Variants in SFMBT1 observed in about 807,000 individuals in gnomAD.
The protein encoded by SFMBT1 is scm-like with four MBT domains protein 1.
In SFMBT1, 32 loss-of-function variants were observed where a neutral mutation model predicts 108.7. That is an observed-to-expected ratio of 0.29 (90% CI 0.22 to 0.40). The LOEUF (loss-of-function observed/expected upper bound fraction) is 0.40, where lower values mean the gene tolerates loss of function less well. Among genes scored for constraint, SFMBT1 ranks in the 10% least tolerant of loss-of-function variants. The pLI is 1.00. For missense variants in SFMBT1, 816 were observed against 1,059.6 expected (o/e 0.77, Z 3.19); for synonymous variants, 348 against 369.5 (o/e 0.94, Z 0.67).
At chr3:52,965,668 T>G (rs1207351094) in intron 2 of SFMBT1, among the ~76,000 whole-genome samples, 1 of 151,880 alleles carries the variant, frequency 6.6e-6, no homozygotes, top group Admixed American at 6.6e-5. Context: ...TATTCTCAAA[T>G]GAAATGAAAT....
chr3:53,041,929 T>C (rs913694114), intron 1 of SFMBT1, among the ~76,000 whole-genome samples: 2 of 152,098 alleles, frequency 1.3e-5, no homozygotes, highest in Non-Finnish European at 2.9e-5. Flanking sequence ...TGCTATATAC[T>C]AAAAGAAAAA....
chr3:53,044,995 GCA>G (rs1164483436), intron 1 of SFMBT1: 1 of 152,312 alleles, frequency 6.6e-6, no homozygotes, highest in African/African-American at 2.4e-5. Flanking sequence ...TTTCTGCTCC[GCA>G]CAGAGCAGGC....
chr3:53,016,029 G>A (rs1699113184), intron 1 of SFMBT1, among the ~76,000 whole-genome samples: 1 of 151,978 alleles, frequency 6.6e-6, no homozygotes, highest in Non-Finnish European at 1.5e-5. Flanking sequence ...ATCAAGAACA[G>A]TATACTATGG....
chr3:53,004,367 G>A (rs1698668566), intron 1 of SFMBT1, among the ~76,000 whole-genome samples: 1 of 149,056 alleles, frequency 6.7e-6, no homozygotes, highest in South Asian at 2.1e-4. Context: ...CTACCTCCTG[G>A]GTTCAAGCGA....
At chr3:52,997,911 C>T (rs547190274) in intron 1 of SFMBT1, among the ~76,000 whole-genome samples, 12 of 150,698 alleles carry the variant, frequency 8.0e-5, no homozygotes, top group African/African-American at 1.7e-4. Flanking sequence ...GATAACACAA[C>T]GTGTTGGTCA....
chr3:52,970,007 G>C (rs1704282311), intron 1 of SFMBT1, among the ~76,000 whole-genome samples: 1 of 152,018 alleles, frequency 6.6e-6, no homozygotes, highest in African/African-American at 2.4e-5. Flanking sequence ...GGAGGCTGAG[G>C]TGGGAGGATG....
At chr3:52,964,781 C>G (rs1444022014) in intron 2 of SFMBT1, among the ~76,000 whole-genome samples, 1 of 152,138 alleles carries the variant, frequency 6.6e-6, no homozygotes, top group South Asian at 2.1e-4. Flanking sequence ...GACGTCACAT[C>G]AGAAGAACAC....
chr3:52,968,399 C>T (rs544175494), intron 2 of SFMBT1, among the ~76,000 whole-genome samples: 73 of 152,060 alleles, frequency 4.8e-4, no homozygotes, highest in Non-Finnish European at 8.5e-4. Context: ...ATTGCACATT[C>T]TTTATACTAA....
At chr3:53,038,064 G>A (rs950896597) in intron 1 of SFMBT1, among the ~76,000 whole-genome samples, 4 of 151,904 alleles carry the variant, frequency 2.6e-5, no homozygotes, top group African/African-American at 4.8e-5. Context: ...AGATTGCACC[G>A]CTGCACTCCA....
intron 2 of SFMBT1, among the ~76,000 whole-genome samples, chr3:52,959,760 C>T (rs1487653062): frequency 6.6e-6 from 1 of 152,114 alleles, no homozygotes; most frequent in Non-Finnish European, 1.5e-5. Flanking sequence ...TAGATTCTTA[C>T]AATACTCTTG....
intron 1 of SFMBT1, among the ~76,000 whole-genome samples, chr3:53,031,264 C>G (rs1315565594): frequency 6.6e-6 from 1 of 152,198 alleles, no homozygotes; most frequent in Admixed American, 6.5e-5. Flanking sequence ...TCTCATCAGT[C>G]ACACAGGGCA....
At chr3:52,991,722 A>G (rs1383969595) in intron 1 of SFMBT1, among the ~76,000 whole-genome samples, 1 of 152,060 alleles carries the variant, frequency 6.6e-6, no homozygotes, top group Non-Finnish European at 1.5e-5. Flanking sequence ...CAATGCCATT[A>G]TAAGAAGCTT....
chr3:52,931,543 GAA>G (rs1200450788), intron 6 of SFMBT1, among the ~76,000 whole-genome samples: 1 of 151,850 alleles, frequency 6.6e-6, no homozygotes, highest in African/African-American at 2.4e-5. Flanking sequence ...AAAAAGAAAA[GAA>G]AAGTAGGCAC....
Position 53,001,960 on chromosome 3 carries a change from CACACACACACACAT to C in SFMBT1, c.-130-32716_-130-32703del, listed in dbSNP as rs1214630976. On this transcript the variant is annotated intron_variant, in intron 1 of 20. Coordinates refer to ENST00000394752, the MANE Select transcript of SFMBT1 (RefSeq NM_016329.4). ...ACACACACACACACACACACACACA[CACACACACACACAT>C]AAATGAAAGATTACTGCCTGTTTTG... Among the ~76,000 whole-genome samples, 47 of 146,378 alleles carry C rather than the reference CACACACACACACAT, an allele frequency of 3.2e-4. 5 individuals carry two copies. In the Admixed American group the frequency reaches 3.2e-3, roughly 10 times the overall value.
At chr3:52,906,390 C>T (rs1327973677) in intron 19 of SFMBT1, 149 bp from the exon 20 acceptor site, 18 of 1,077,216 alleles carry the variant, frequency 1.7e-5, no homozygotes, top group South Asian at 3.0e-5. Flanking sequence ...CAAAGACCCA[C>T]GTGCATCAGG....
intron 14 of SFMBT1, among the ~76,000 whole-genome samples, chr3:52,915,261 C>G (rs1176240376): frequency 6.6e-6 from 1 of 152,198 alleles, no homozygotes; most frequent in Non-Finnish European, 1.5e-5. Flanking sequence ...TATGACAAAA[C>G]CCAAACCAAA....
chr3:52,942,297 G>A (rs1428318423), intron 4 of SFMBT1, among the ~76,000 whole-genome samples: 1 of 151,978 alleles, frequency 6.6e-6, no homozygotes, highest in Admixed American at 6.6e-5. Flanking sequence ...GAATAAAAGG[G>A]CATCATGTCT....
intron 4 of SFMBT1, among the ~76,000 whole-genome samples, chr3:52,943,101 C>A (rs946760325): frequency 6.6e-6 from 1 of 152,190 alleles, no homozygotes; most frequent in Non-Finnish European, 1.5e-5. Context: ...ACCTCACAGT[C>A]TGAAAGGATG....
chr3:52,958,499 G>A (rs1226383844), intron 2 of SFMBT1, among the ~76,000 whole-genome samples: 1 of 152,198 alleles, frequency 6.6e-6, no homozygotes, highest in African/African-American at 2.4e-5. Flanking sequence ...GCTGAGGCAG[G>A]AGAATCTCTT....
Sources: gnomAD v4.1 joint callset for allele counts (sites outside exome capture counted in the v4.1 genomes callset) on GRCh38, gnomAD v4.1.1 for gene constraint, MANE v1.5 for transcripts, NCBI Gene and HGNC (gene_info 2026-07-23, HGNC 2026-07-21) for gene names.